Variants in VRK1 observed in about 807,000 individuals in gnomAD.
The protein encoded by VRK1 is serine/threonine-protein kinase VRK1.
A neutral mutation model predicts 57.1 loss-of-function variants in VRK1; 33 were observed. The ratio of observed to expected loss-of-function variants is 0.58; its 90% confidence interval spans 0.44 to 0.77. The LOEUF is 0.77. Among genes scored for constraint, VRK1 ranks in the 30% least tolerant of loss-of-function variants. The pLI, the probability that VRK1 is intolerant of heterozygous loss-of-function variation, is 0.00. For synonymous variants in VRK1, 137 were observed against 147.8 expected (o/e 0.93, Z 0.53); for missense variants, 413 against 477.3 (o/e 0.87, Z 1.25).
At chr14:96,860,886 G>C in intron 11 of VRK1, 151 bp downstream of exon 11, 1 of 662,370 alleles carries the variant, frequency 1.5e-6, no homozygotes, top group African/African-American at 1.8e-5. Flanking sequence ...AAAATGTGTA[G>C]AGGGTTGTAG....
At chr14:96,872,808 C>T (rs1170963511) in intron 11 of VRK1, among the ~76,000 whole-genome samples, 1 of 152,054 alleles carries the variant, frequency 6.6e-6, no homozygotes, top group East Asian at 1.9e-4. Flanking sequence ...GAAGATGTGT[C>T]CTTTTTCTTT....
At position 96,860,742 on chromosome 14, in the gene VRK1, T is replaced by G. The variant is rs1888355594; in HGVS notation, c.1068+7T>G. On this transcript the variant is annotated splice_region_variant and intron_variant, in intron 11 of 12. Transcript: ENST00000216639. Reference sequence around the variant, plus strand: ...AGCAAAAACAATAACAAAGGTGAATTTTGTTATTAAATTATTCTTTGGTCT... The same window carrying G: ...AGCAAAAACAATAACAAAGGTGAATGTTGTTATTAAATTATTCTTTGGTCT... 6.2e-7 allele frequency: 1 copy of G among 1,611,820 alleles called. No individual in the cohort carries two copies. Among genetic ancestry groups the G allele is most frequent in the Non-Finnish European group, 8.5e-7 (1 of 1,178,906 alleles).
At chr14:96,856,337 A>T (rs917275611) in intron 9 of VRK1, 87 bp downstream of exon 9, 5 of 1,501,042 alleles carry the variant, frequency 3.3e-6, no homozygotes, top group Non-Finnish European at 4.6e-6. Context: ...CTATAGTTTC[A>T]ACTGATACTG....
chr14:96,811,304 C>T (rs546849275), intron 1 of VRK1, among the ~76,000 whole-genome samples: 2 of 152,298 alleles, frequency 1.3e-5, no homozygotes, highest in South Asian at 4.1e-4. Context: ...TGGTAGAAGA[C>T]ACCAATTCCA....
chr14:96,826,186 A>C (rs1886794794), intron 1 of VRK1, among the ~76,000 whole-genome samples: 1 of 152,180 alleles, frequency 6.6e-6, no homozygotes, highest in Non-Finnish European at 1.5e-5. Context: ...TCATAGCAGA[A>C]CTTTTTTTGG....
chr14:96,828,619 A>G (rs911267804), intron 1 of VRK1, among the ~76,000 whole-genome samples: 14 of 152,172 alleles, frequency 9.2e-5, no homozygotes, highest in African/African-American at 3.4e-4. Context: ...TTGTTCCTAA[A>G]TAAAATATTA....
At chr14:96,809,244 A>G (rs1225459596) in intron 1 of VRK1, among the ~76,000 whole-genome samples, 1 of 152,156 alleles carries the variant, frequency 6.6e-6, no homozygotes, top group Non-Finnish European at 1.5e-5. Flanking sequence ...ACCATACTCT[A>G]TTGGTTGACA....
chr14:96,811,982 C>T (rs1014764851), intron 1 of VRK1, among the ~76,000 whole-genome samples: 4 of 152,232 alleles, frequency 2.6e-5, no homozygotes, highest in African/African-American at 9.6e-5. Flanking sequence ...TAAGAAACCA[C>T]GAATAGTTTT....
chr14:96,837,433 T>C (rs942568525), intron 2 of VRK1, among the ~76,000 whole-genome samples: 5 of 152,172 alleles, frequency 3.3e-5, no homozygotes, highest in Non-Finnish European at 7.3e-5. Flanking sequence ...TTACTTATCC[T>C]CTGGGGAATT....
intron 11 of VRK1, among the ~76,000 whole-genome samples, chr14:96,873,050 T>C (rs1207348708): frequency 6.6e-6 from 1 of 152,172 alleles, no homozygotes; most frequent in Non-Finnish European, 1.5e-5. Flanking sequence ...ATGTAGACTT[T>C]TGTCTTATGG....
intron 1 of VRK1, among the ~76,000 whole-genome samples, chr14:96,804,786 C>T (rs1885803772): frequency 6.6e-6 from 1 of 152,076 alleles, no homozygotes; most frequent in Non-Finnish European, 1.5e-5. Flanking sequence ...AAATATCTGC[C>T]AGAAAGCTAA....
chr14:96,819,304 G>C (rs1380186286), intron 1 of VRK1, among the ~76,000 whole-genome samples: 1 of 152,168 alleles, frequency 6.6e-6, no homozygotes, highest in African/African-American at 2.4e-5. Flanking sequence ...GAACTGGAAA[G>C]GTCTTTTATT....
At chr14:96,852,610 G>A (rs961444023) in intron 5 of VRK1, among the ~76,000 whole-genome samples, 3 of 152,112 alleles carry the variant, frequency 2.0e-5, no homozygotes, top group East Asian at 3.8e-4. Flanking sequence ...AACTAGCTGC[G>A]ACCAGGAAGA....
rs1555361641 is a variant in VRK1 at position 96,856,516 on chromosome 14, A to G, written c.831-12A>G. 1.2e-6 allele frequency: 2 copies of G among 1,608,526 alleles called. No homozygotes were observed. ...ATCAAGCTTCAGTGACTCATTCTTT[A>G]ATTTTTAACAGATACAGAGAAAATA... On this transcript the variant is annotated splice_polypyrimidine_tract_variant and intron_variant, in intron 9 of 12. Transcript: ENST00000216639.
chr14:96,833,607 G>A lies in VRK1; in HGVS notation c.136G>A (p.Gly46Arg). Residue 46 changes from glycine (G) to arginine (R), a missense_variant, in exon 2 of 13, where the codon GGA becomes AGA. This residue lies in a region of VRK1 where 116 missense variants were observed against 113.6 expected (regional missense o/e 1.02). Transcript: ENST00000216639. ...EWKVGLPIGQGGFGCIYLADM... is the reference protein window; with the variant it reads ...EWKVGLPIGQRGFGCIYLADM... The stretch of plus-strand genomic sequence containing the variant: ...GAAAGTAGGATTACCCATTGGCCAA[G>A]GAGGCTTTGGCTGTATATATCTTGG... The A allele has an allele frequency of 6.2e-7, 1 of 1,613,730 alleles. No homozygotes were observed. Among genetic ancestry groups the A allele is most frequent in the Non-Finnish European group, 8.5e-7 (1 of 1,179,692 alleles).
intron 7 of VRK1, 67 bp from the exon 8 acceptor site, chr14:96,855,157 G>A (rs963944862): frequency 6.2e-7 from 1 of 1,611,748 alleles, no homozygotes; most frequent in African/African-American, 1.3e-5. Flanking sequence ...TTTTGTTTCT[G>A]TGCTTTAAAG....
chr14:96,840,221 C>A lies in VRK1; in HGVS notation c.216+2404C>A, dbSNP rs188367078. Reference sequence around the variant, plus strand: ...CTCTAGGGGAAAAAAGCCAGGGCTGCCATGGACTCACTTTGTTTTCTGTCT... The same window carrying A: ...CTCTAGGGGAAAAAAGCCAGGGCTGACATGGACTCACTTTGTTTTCTGTCT... On this transcript the variant is annotated intron_variant, in intron 3 of 12. Transcript: ENST00000216639. 1.7e-3 allele frequency among the ~76,000 whole-genome samples: 266 copies of A among 152,274 alleles called. 1 individual carries two copies. The highest frequency in any genetic ancestry group is 2.6e-3 in the Non-Finnish European group (176 of 68,022).
intron 2 of VRK1, 31 bp from the exon 3 acceptor site, chr14:96,837,731 C>T: frequency 2.1e-6 from 3 of 1,433,984 alleles, no homozygotes; most frequent in Non-Finnish European, 2.9e-6. Context: ...ATTACTTGTT[C>T]TGATATCAAA....
chr14:96,850,134 A>C (rs574433461), intron 5 of VRK1, among the ~76,000 whole-genome samples: 2 of 152,350 alleles, frequency 1.3e-5, no homozygotes, highest in Non-Finnish European at 2.9e-5. Context: ...GGCATTAGTC[A>C]TATATCAGGC....
Sources: gnomAD v4.1 joint callset for allele counts (sites outside exome capture counted in the v4.1 genomes callset) on GRCh38, gnomAD v4.1.1 for gene constraint, gnomAD v4.1.1 regional missense constraint, MANE v1.5 for transcripts, NCBI Gene and HGNC (gene_info 2026-07-23, HGNC 2026-07-21) for gene names.